ASTN1: variants seen among roughly 807,000 people sequenced by gnomAD.
ASTN1 encodes the protein astrotactin-1.
In ASTN1, 41 loss-of-function variants were observed where a neutral mutation model predicts 140.7. The ratio of observed to expected loss-of-function variants is 0.29; its 90% CI spans 0.23 to 0.38. ASTN1 has a LOEUF of 0.38. Among genes scored for constraint, ASTN1 ranks in the 10% least tolerant of loss-of-function variants. The pLI, the probability that ASTN1 is intolerant of heterozygous loss-of-function variation, is 1.00. For synonymous variants in ASTN1, 640 were observed against 652.2 expected (o/e 0.98, Z 0.29); for missense variants, 1,479 against 1,678.8 (o/e 0.88, Z 2.08).
chr1:176,993,676 T>C (rs1674296375), intron 8 of ASTN1, among the ~76,000 whole-genome samples: 1 of 152,172 alleles, frequency 6.6e-6, no homozygotes, highest in South Asian at 2.1e-4. Context: ...AGATACTCAT[T>C]GCCCCATACG....
intron 7 of ASTN1, among the ~76,000 whole-genome samples, chr1:177,016,247 C>T (rs1675539315): frequency 1.3e-5 from 2 of 150,238 alleles, no homozygotes; most frequent in South Asian, 2.1e-4. Context: ...CAGATCACAC[C>T]ATTTTTGTCC....
At chr1:177,160,139 G>A (rs1227354972) in intron 1 of ASTN1, among the ~76,000 whole-genome samples, 2 of 152,064 alleles carry the variant, frequency 1.3e-5, no homozygotes, top group African/African-American at 4.8e-5. Context: ...AAACTTTTAA[G>A]GCATGTAAAA....
intron 17 of ASTN1, among the ~76,000 whole-genome samples, chr1:176,893,987 C>T (rs572004254): frequency 7.9e-5 from 12 of 152,184 alleles, no homozygotes; most frequent in Non-Finnish European, 1.6e-4. Flanking sequence ...AATGTCATGG[C>T]CCAGCAGCAT....
At chr1:176,884,219 C>T in intron 19 of ASTN1, 120 bp downstream of exon 19, 1 of 1,140,084 alleles carries the variant, frequency 8.8e-7, no homozygotes, top group Non-Finnish European at 1.2e-6. Flanking sequence ...TCTCCCTGCT[C>T]CTCCTGCATT....
chr1:177,025,388 G>A (rs1022877359), intron 5 of ASTN1, among the ~76,000 whole-genome samples: 2 of 152,098 alleles, frequency 1.3e-5, no homozygotes, highest in Non-Finnish European at 2.9e-5. Context: ...CTGGGGAGGT[G>A]GAAATAGGGA....
chr1:176,865,044 A>G (rs1391356005), intron 22 of ASTN1, among the ~76,000 whole-genome samples: 1 of 152,220 alleles, frequency 6.6e-6, no homozygotes, highest in African/African-American at 2.4e-5. Context: ...TAATGCCCTC[A>G]GTTCATGTTG....
chr1:177,111,888 A>C (rs1680837494), intron 1 of ASTN1, among the ~76,000 whole-genome samples: 1 of 152,164 alleles, frequency 6.6e-6, no homozygotes, highest in Non-Finnish European at 1.5e-5. Context: ...TCCACCCAAC[A>C]GGCCCACATC....
At chr1:177,119,169 T>G (rs1039655657) in intron 1 of ASTN1, among the ~76,000 whole-genome samples, 10 of 152,194 alleles carry the variant, frequency 6.6e-5, no homozygotes, top group Non-Finnish European at 1.5e-4. Flanking sequence ...TTTGGCTGTG[T>G]GTATTCCCCC....
intron 19 of ASTN1, 132 bp from the exon 20 acceptor site, chr1:176,883,126 C>T (rs1405369555): frequency 7.8e-7 from 1 of 1,283,302 alleles, no homozygotes; most frequent in East Asian, 2.4e-5. Context: ...GAGAAGGAGA[C>T]TTAGAAGGAA....
chr1:177,114,059 C>T (rs574900780), intron 1 of ASTN1, among the ~76,000 whole-genome samples: 1 of 152,138 alleles, frequency 6.6e-6, no homozygotes, highest in Non-Finnish European at 1.5e-5. Flanking sequence ...TCATTCAAGG[C>T]AAACATGTTG....
At chr1:176,897,725 G>C (rs58857443) in intron 16 of ASTN1, among the ~76,000 whole-genome samples, 1 of 152,038 alleles carries the variant, frequency 6.6e-6, no homozygotes, top group East Asian at 1.9e-4. Context: ...ACATTTACCC[G>C]ACAGAGAAAA....
At chr1:177,110,566 A>T (rs1236769997) in intron 1 of ASTN1, among the ~76,000 whole-genome samples, 1 of 152,204 alleles carries the variant, frequency 6.6e-6, no homozygotes, top group Non-Finnish European at 1.5e-5. Context: ...ACAAAGGGGG[A>T]GGAAATAAAC....
Position 177,028,719 on chromosome 1 carries a change from A to G in ASTN1, c.1120+915T>C, listed in dbSNP as rs377598929. 7.9e-5 allele frequency among the ~76,000 whole-genome samples: 12 copies of G among 152,338 alleles called. 2 individuals are homozygous for G. In the East Asian group the frequency reaches 2.1e-3, roughly 27 times the overall value. ...GGGCTGCATGATGGAGAGTTCTAACAGCAACAATAGGGATTTCATAGTGCT... is the reference window on the plus strand; with the variant it reads ...GGGCTGCATGATGGAGAGTTCTAACGGCAACAATAGGGATTTCATAGTGCT... On this transcript the variant is annotated intron_variant, in intron 5 of 22. Transcript: ENST00000361833.
intron 8 of ASTN1, chr1:176,976,115 A>G (rs1238505248): frequency 6.6e-6 from 1 of 152,170 alleles, no homozygotes; most frequent in Non-Finnish European, 1.5e-5. Context: ...ATTATATGAG[A>G]TGCATATTCA....
intron 2 of ASTN1, 133 bp from the exon 3 acceptor site, chr1:177,032,982 A>T: frequency 8.8e-7 from 1 of 1,132,900 alleles, no homozygotes; most frequent in Non-Finnish European, 1.2e-6. Flanking sequence ...AAGCATTTAC[A>T]GCAAGCATCA....
At chr1:177,034,846 A>C (rs150674766) in intron 2 of ASTN1, among the ~76,000 whole-genome samples, 130 of 152,348 alleles carry the variant, frequency 8.5e-4, no homozygotes, top group African/African-American at 3.1e-3. Flanking sequence ...AGTGAAAACG[A>C]GAGGTAATTT....
intron 1 of ASTN1, among the ~76,000 whole-genome samples, chr1:177,076,432 C>G (rs1024942851): frequency 6.6e-6 from 1 of 151,838 alleles, no homozygotes; most frequent in Non-Finnish European, 1.5e-5. Flanking sequence ...GAAGTGCATC[C>G]TTGGTCATAA....
At chr1:176,923,741 C>G (rs1670839143) in intron 16 of ASTN1, among the ~76,000 whole-genome samples, 1 of 152,052 alleles carries the variant, frequency 6.6e-6, no homozygotes. Flanking sequence ...TTCCAGGCAT[C>G]CACTGGGGTC....
At chr1:176,871,193 G>A (rs1392190469) in intron 21 of ASTN1, among the ~76,000 whole-genome samples, 4 of 152,158 alleles carry the variant, frequency 2.6e-5, no homozygotes, top group Non-Finnish European at 4.4e-5. Context: ...TAGTAGCTGT[G>A]CAGGGGGTCT....
Sources: allele counts gnomAD v4.1 joint callset (sites outside exome capture counted in the v4.1 genomes callset), GRCh38; gene constraint gnomAD v4.1.1; transcripts MANE v1.5; gene names NCBI Gene and HGNC (gene_info 2026-07-23, HGNC 2026-07-21).